WDR41: variants seen among roughly 807,000 people sequenced by gnomAD.
WDR41 encodes WD repeat domain 41.
A neutral mutation model predicts 69.3 loss-of-function variants in WDR41; 63 were observed. The ratio of observed to expected loss-of-function variants is 0.91; its 90% CI spans 0.74 to 1.12. WDR41 has a LOEUF of 1.12. WDR41 is among the 50% of genes most tolerant of loss of function. The pLI is 0.00. For synonymous variants in WDR41, 185 were observed against 192.1 expected (o/e 0.96, Z 0.31); for missense variants, 543 against 534.5 (o/e 1.02, Z -0.16).
At chr5:77,519,781 T>A (rs2112188597) in intron 1 of WDR41, among the ~76,000 whole-genome samples, 1 of 151,928 alleles carries the variant, frequency 6.6e-6, no homozygotes, top group East Asian at 1.9e-4. Context: ...AATTTTTTCA[T>A]GAATTTTTCC....
At chr5:77,539,967 G>C (rs1046442348) in intron 1 of WDR41, among the ~76,000 whole-genome samples, 1 of 152,122 alleles carries the variant, frequency 6.6e-6, no homozygotes, top group Non-Finnish European at 1.5e-5. Context: ...ACAAGAGTAG[G>C]TTCTGTATAG....
At chr5:77,522,057 T>C in intron 1 of WDR41, among the ~76,000 whole-genome samples, 1 of 152,190 alleles carries the variant, frequency 6.6e-6, no homozygotes, top group East Asian at 1.9e-4. Flanking sequence ...GAAGAATCAA[T>C]GGAACTTCAT....
chr5:77,570,583 G>T (rs1283344149), intron 1 of WDR41, among the ~76,000 whole-genome samples: 2 of 149,628 alleles, frequency 1.3e-5, no homozygotes, highest in African/African-American at 2.5e-5. Flanking sequence ...GTTTATATTT[G>T]CATAGCTAAG....
At chr5:77,612,831 T>A (rs1744590324) in intron 1 of WDR41, among the ~76,000 whole-genome samples, 3 of 150,738 alleles carry the variant, frequency 2.0e-5, no homozygotes, top group Non-Finnish European at 4.4e-5. Context: ...GGGTATTCAA[T>A]TAGGAAAAGA....
chr5:77,471,840 A>G (rs1327189946), intron 2 of WDR41, among the ~76,000 whole-genome samples: 3 of 152,200 alleles, frequency 2.0e-5, no homozygotes, highest in African/African-American at 4.8e-5. Context: ...GCCGAATTCT[A>G]CCAGAGGTAC....
rs115288692 is a variant in WDR41 at position 77,457,317 on chromosome 5, G to A, written c.411+1745C>T. On this transcript the variant is annotated intron_variant, in intron 5 of 12. Coordinates refer to ENST00000296679, the MANE Select transcript of WDR41 (RefSeq NM_018268.4). The stretch of plus-strand genomic sequence containing the variant: ...TTTGGTTTGATAATATTTTGTTGAG[G>A]ATAATATATGTTTTTGTTACTTAAC... 5.3e-3 allele frequency among the ~76,000 whole-genome samples: 800 copies of A among 151,978 alleles called. 7 individuals carry two copies. The highest frequency in any genetic ancestry group is 0.019 in the African/African-American group (770 of 41,446).
At chr5:77,601,682 T>G (rs1262115176) in intron 1 of WDR41, among the ~76,000 whole-genome samples, 1 of 152,144 alleles carries the variant, frequency 6.6e-6, no homozygotes, top group East Asian at 1.9e-4. Flanking sequence ...TCATTTCAAG[T>G]TCACCACCCA....
chr5:77,603,875 G>A (rs1744368605), intron 1 of WDR41, among the ~76,000 whole-genome samples: 1 of 152,148 alleles, frequency 6.6e-6, no homozygotes, highest in Non-Finnish European at 1.5e-5. Context: ...TCAAAAATTA[G>A]TTGGTTATAA....
chr5:77,601,215 A>AGTT (rs1210878422), intron 1 of WDR41, among the ~76,000 whole-genome samples: 3 of 152,200 alleles, frequency 2.0e-5, no homozygotes, highest in Non-Finnish European at 4.4e-5. Flanking sequence ...TGCCTAAAAT[A>AGTT]GTTTTTTAAA....
intron 1 of WDR41, chr5:77,582,958 T>C (rs1358325136): frequency 5.0e-6 from 8 of 1,608,302 alleles, no homozygotes; most frequent in Non-Finnish European, 6.8e-6. Flanking sequence ...TCATGAGATC[T>C]ATACTGTTGG....
At chr5:77,471,963 A>G (rs985141850) in intron 2 of WDR41, among the ~76,000 whole-genome samples, 9 of 152,212 alleles carry the variant, frequency 5.9e-5, no homozygotes, top group African/African-American at 2.2e-4. Flanking sequence ...GGGCAGAGAC[A>G]TAACCAAAAA....
chr5:77,460,673 C>T (rs1269688502), intron 4 of WDR41, among the ~76,000 whole-genome samples: 1 of 147,016 alleles, frequency 6.8e-6, no homozygotes, highest in African/African-American at 2.4e-5. Context: ...AGTCTAAACA[C>T]AAAATTCATT....
At chr5:77,576,289 C>A (rs559909348) in intron 1 of WDR41, among the ~76,000 whole-genome samples, 168 of 152,174 alleles carry the variant, frequency 1.1e-3, no homozygotes, top group African/African-American at 3.8e-3. Context: ...ACAATTCTCC[C>A]ACACCTTCAC....
At chr5:77,523,060 T>C (rs1250593774) in intron 1 of WDR41, among the ~76,000 whole-genome samples, 1 of 152,150 alleles carries the variant, frequency 6.6e-6, no homozygotes, top group Non-Finnish European at 1.5e-5. Context: ...ACACCTGTAA[T>C]CCCAACACTT....
Position 77,438,290 on chromosome 5 carries a change from C to T in WDR41, c.954G>A (p.Gln318=). 1 of 1,614,098 alleles carries T rather than the reference C, an allele frequency of 6.2e-7. No individual in the cohort carries two copies. The highest frequency in any genetic ancestry group is 1.1e-5 in the South Asian group (1 of 91,090). The change falls in exon 10 of 13, where the codon CAG becomes CAA. Residue 318 remains glutamine (Q), a synonymous_variant. Transcript: ENST00000296679. The part of the protein sequence containing the change: ...SLQMKRVIAC[Q]KTAHDSNVLH... ...GGACATTGGAGTCATGTGCAGTTTTCTGGCAGGCAATCACACGCTTCATTT... is the reference window on the plus strand; with the variant it reads ...GGACATTGGAGTCATGTGCAGTTTTTTGGCAGGCAATCACACGCTTCATTT...
intron 1 of WDR41, among the ~76,000 whole-genome samples, chr5:77,523,563 C>A (rs1193019953): frequency 1.3e-5 from 2 of 151,810 alleles, no homozygotes; most frequent in African/African-American, 4.8e-5. Context: ...CCTATAGTGC[C>A]TCACACTGAT....
At chr5:77,435,129 C>A (rs1035680933) in intron 12 of WDR41, among the ~76,000 whole-genome samples, 1 of 152,168 alleles carries the variant, frequency 6.6e-6, no homozygotes, top group African/African-American at 2.4e-5. Context: ...AGTCCATGCT[C>A]ACCTCCCAAC....
intron 1 of WDR41, chr5:77,582,288 A>AT: frequency 7.7e-7 from 1 of 1,296,704 alleles, no homozygotes; most frequent in East Asian, 2.4e-5. Context: ...CTGGCTCAGC[A>AT]AGAAAGTAGA....
intron 1 of WDR41, among the ~76,000 whole-genome samples, chr5:77,512,355 A>AGTGTGTGTGT (rs111485869): frequency 5.9e-5 from 7 of 119,320 alleles, no homozygotes; most frequent in Non-Finnish European, 1.2e-4. Flanking sequence ...AGAGAGAGTG[A>AGTGTGTGTGT]GTGTGTGTGT....
Sources: allele counts gnomAD v4.1 joint callset (sites outside exome capture counted in the v4.1 genomes callset), GRCh38; gene constraint gnomAD v4.1.1; transcripts MANE v1.5; gene names NCBI Gene and HGNC (gene_info 2026-07-23, HGNC 2026-07-21).